The following BBS9 variants were observed in gnomAD, a reference collection of about 807,000 sequenced individuals.
BBS9 encodes the protein protein PTHB1.
A neutral mutation model predicts 117.7 loss-of-function variants in BBS9; 89 were observed. That is an observed-to-expected ratio of 0.76 (90% confidence interval 0.64 to 0.90). BBS9 has a LOEUF of 0.90. Ranked by LOEUF, BBS9 falls within the 40% of genes least tolerant of loss-of-function variation. The pLI, the probability that BBS9 is intolerant of heterozygous loss-of-function variation, is 0.00. For synonymous variants in BBS9, 379 were observed against 370.9 expected, an observed-to-expected ratio of 1.02 and a Z score of -0.25; for missense variants, 982 against 1,042.2, an observed-to-expected ratio of 0.94 and a Z score of 0.80.
chr7:33,469,013 T>TG (rs1253317793), intron 19 of BBS9, among the ~76,000 whole-genome samples: 1 of 151,624 alleles, frequency 6.6e-6, no homozygotes, highest in Non-Finnish European at 1.5e-5. Flanking sequence ...TTTTTTTTTT[T>TG]GTGAGAGACT....
chr7:33,567,007 A>G (rs1857023156), intron 21 of BBS9, among the ~76,000 whole-genome samples: 2 of 152,196 alleles, frequency 1.3e-5, no homozygotes, highest in African/African-American at 4.8e-5. Flanking sequence ...TGAGACCAAT[A>G]AAAGGAAAGG....
At chr7:33,220,241 C>G (rs966505319) in intron 5 of BBS9, among the ~76,000 whole-genome samples, 13 of 152,080 alleles carry the variant, frequency 8.5e-5, no homozygotes, top group African/African-American at 2.2e-4. Context: ...CAGTTGGGAA[C>G]AACTCTTCAG....
At chr7:33,521,407 A>G (rs911330337) in intron 20 of BBS9, among the ~76,000 whole-genome samples, 1 of 152,210 alleles carries the variant, frequency 6.6e-6, no homozygotes, top group African/African-American at 2.4e-5. Flanking sequence ...AATGGTGTGG[A>G]TAAACTTGCA....
chr7:33,231,767 G>C (rs1792496447), intron 5 of BBS9, among the ~76,000 whole-genome samples: 1 of 152,078 alleles, frequency 6.6e-6, no homozygotes, highest in African/African-American at 2.4e-5. Context: ...TTCAGGGTTT[G>C]ATTTATAATT....
At chr7:33,158,695 C>A (rs1163149580) in intron 4 of BBS9, among the ~76,000 whole-genome samples, 1 of 152,110 alleles carries the variant, frequency 6.6e-6, no homozygotes, top group African/African-American at 2.4e-5. Context: ...CCTAATGTTC[C>A]TGCTTGCATT....
At chr7:33,476,737 A>G (rs1447519347) in intron 19 of BBS9, among the ~76,000 whole-genome samples, 3 of 152,220 alleles carry the variant, frequency 2.0e-5, no homozygotes. Context: ...TGTTTTCTTG[A>G]TTAAACTCAT....
chr7:33,359,095 T>A (rs76510424), intron 16 of BBS9, among the ~76,000 whole-genome samples: 1 of 151,890 alleles, frequency 6.6e-6, no homozygotes, highest in East Asian at 1.9e-4. Context: ...TTTTACCTCC[T>A]TATTTTTTAG....
At chr7:33,405,892 GA>G (rs1188513924) in intron 19 of BBS9, among the ~76,000 whole-genome samples, 1 of 152,080 alleles carries the variant, frequency 6.6e-6, no homozygotes, top group Non-Finnish European at 1.5e-5. Context: ...GCTAGCTTTT[GA>G]ATGTGTTTGC....
chr7:33,339,887 G>C (rs946271351), intron 10 of BBS9, among the ~76,000 whole-genome samples: 2 of 152,092 alleles, frequency 1.3e-5, no homozygotes, highest in East Asian at 3.9e-4. Flanking sequence ...AGATGAAGGT[G>C]AATAGCTCCA....
chr7:33,552,084 A>G (rs978889665), intron 21 of BBS9, among the ~76,000 whole-genome samples: 1 of 152,156 alleles, frequency 6.6e-6, no homozygotes, highest in Non-Finnish European at 1.5e-5. Context: ...TGTAGTGATC[A>G]TTGAAATGTT....
At chr7:33,236,113 G>A (rs1021695462) in intron 5 of BBS9, among the ~76,000 whole-genome samples, 1 of 152,028 alleles carries the variant, frequency 6.6e-6, no homozygotes, top group East Asian at 1.9e-4. Context: ...GATCACCTGA[G>A]GTTGGGAGTT....
In BBS9 at chr7:33,558,793, TGAAAGTG is replaced by T. The variant is rs569656616; in HGVS notation, c.2521+24620_2521+24626del. On this transcript the variant is annotated intron_variant, in intron 21 of 22. Coordinates refer to ENST00000242067, the MANE Select transcript of BBS9 (RefSeq NM_198428.3). Reference sequence around the variant, plus strand: ...GCTCAGTTCTCAGGCATTTATCACTTGAAAGTGGAGAGAGTAGAAAAGTTTAAAAGGC... The same window carrying T: ...GCTCAGTTCTCAGGCATTTATCACTTGAGAGAGTAGAAAAGTTTAAAAGGC... Among the ~76,000 whole-genome samples the T allele has an allele frequency of 1.7e-3, 256 of 152,222 alleles. 3 individuals carry two copies. The highest frequency in any genetic ancestry group is 0.015 in the Admixed American group (222 of 15,282).
chr7:33,204,271 G>A (rs1422103703), intron 5 of BBS9, among the ~76,000 whole-genome samples: 1 of 151,350 alleles, frequency 6.6e-6, no homozygotes, highest in Non-Finnish European at 1.5e-5. Flanking sequence ...GGTGGTGGTG[G>A]TGGCGAGTAC....
intron 21 of BBS9, among the ~76,000 whole-genome samples, chr7:33,631,714 G>A (rs932634586): frequency 1.3e-5 from 2 of 152,124 alleles, no homozygotes; most frequent in African/African-American, 2.4e-5. Flanking sequence ...ATTCCAGCTC[G>A]ATGCAATTTC....
chr7:33,184,190 G>A (rs930973267), intron 5 of BBS9, among the ~76,000 whole-genome samples: 2 of 152,076 alleles, frequency 1.3e-5, no homozygotes, highest in Non-Finnish European at 1.5e-5. Context: ...GAGGAGCTTA[G>A]GGGAAGCTAG....
At chr7:33,272,841 T>C (rs954031812) in intron 7 of BBS9, among the ~76,000 whole-genome samples, 171 bp from the exon 8 acceptor site, 3 of 151,674 alleles carry the variant, frequency 2.0e-5, no homozygotes, top group Non-Finnish European at 4.4e-5. Flanking sequence ...TCTTGTAAAA[T>C]ACCAGAAAAA....
At chr7:33,409,564 G>A (rs1830725606) in intron 19 of BBS9, among the ~76,000 whole-genome samples, 1 of 152,168 alleles carries the variant, frequency 6.6e-6, no homozygotes, top group Non-Finnish European at 1.5e-5. Flanking sequence ...TAGCCTTGTA[G>A]TATAGTTTGA....
intron 9 of BBS9, among the ~76,000 whole-genome samples, chr7:33,280,911 G>GTTTTTTTTTTTTTT (rs150736523): frequency 1.3e-5 from 1 of 79,416 alleles, no homozygotes; most frequent in Non-Finnish European, 2.3e-5. Context: ...TGTCGTTTTT[G>GTTTTTTTTTTTTTT]TTTTTTTTTT....
chr7:33,462,457 T>G (rs985343387), intron 19 of BBS9, among the ~76,000 whole-genome samples: 1 of 152,126 alleles, frequency 6.6e-6, no homozygotes, highest in South Asian at 2.1e-4. Context: ...AATTATTAGA[T>G]ATCAGAAATG....
Sources: allele counts gnomAD v4.1 joint callset (sites outside exome capture counted in the v4.1 genomes callset), GRCh38; gene constraint gnomAD v4.1.1; transcripts MANE v1.5; gene names NCBI Gene and HGNC (gene_info 2026-07-23, HGNC 2026-07-21).